GPC6: variants seen among roughly 807,000 people sequenced by gnomAD.
GPC6 encodes the protein glypican 6.
In GPC6, 14 loss-of-function variants were observed where a neutral mutation model predicts 55.2. The ratio of observed to expected loss-of-function variants is 0.25; its 90% confidence interval spans 0.17 to 0.40. The LOEUF is 0.40. Ranked by LOEUF, GPC6 falls within the 10% of genes least tolerant of loss-of-function variation. The pLI is 1.00. For missense variants in GPC6, 641 were observed against 708.5 expected (o/e 0.90, Z 1.08); for synonymous variants, 278 against 259.6 (o/e 1.07, Z -0.68).
At chr13:94,058,916 C>A (rs1884225941) in intron 4 of GPC6, among the ~76,000 whole-genome samples, 1 of 152,200 alleles carries the variant, frequency 6.6e-6, no homozygotes, top group Non-Finnish European at 1.5e-5. Flanking sequence ...ACAATTTCTT[C>A]ATCATTCTTT....
chr13:93,788,383 G>T (rs143480546), intron 2 of GPC6, among the ~76,000 whole-genome samples: 11 of 152,114 alleles, frequency 7.2e-5, no homozygotes, highest in African/African-American at 2.6e-4. Flanking sequence ...CCTCTTAAAT[G>T]TCCTGCCTCT....
At chr13:94,288,736 C>T (rs1369206464) in intron 5 of GPC6, among the ~76,000 whole-genome samples, 4 of 108,572 alleles carry the variant, frequency 3.7e-5, no homozygotes, top group Non-Finnish European at 7.2e-5. Context: ...ATATATATAA[C>T]AAATATATAT....
At chr13:94,015,771 A>G (rs1229028669) in intron 3 of GPC6, among the ~76,000 whole-genome samples, 3 of 152,082 alleles carry the variant, frequency 2.0e-5, no homozygotes, top group African/African-American at 7.2e-5. Context: ...TTCCTCCTTG[A>G]ATGGTCTTTG....
chr13:94,172,804 C>T (rs1320163717), intron 4 of GPC6, among the ~76,000 whole-genome samples: 1 of 152,044 alleles, frequency 6.6e-6, no homozygotes, highest in African/African-American at 2.4e-5. Flanking sequence ...TATAGGCCTA[C>T]GGAGCTCTTA....
chr13:93,962,585 A>G lies in GPC6; in HGVS notation c.712-65144A>G, dbSNP rs563768800. On this transcript the variant is annotated intron_variant, in intron 3 of 8. Coordinates refer to ENST00000377047, the MANE Select transcript of GPC6 (RefSeq NM_005708.5). ...GGAATAAACACATAAATAAACAACAATACTTATATAGGTGTTAGTTATTCT... is the reference window on the plus strand; with the variant it reads ...GGAATAAACACATAAATAAACAACAGTACTTATATAGGTGTTAGTTATTCT... 4.6e-5 allele frequency among the ~76,000 whole-genome samples: 7 copies of G among 152,266 alleles called. No homozygotes were observed. In the South Asian group the frequency reaches 1.5e-3, roughly 32 times the overall value.
At chr13:94,385,199 C>G (rs1359769217) in intron 7 of GPC6, among the ~76,000 whole-genome samples, 3 of 151,518 alleles carry the variant, frequency 2.0e-5, no homozygotes, top group Non-Finnish European at 4.4e-5. Flanking sequence ...AAGATCATAC[C>G]ACTGCACTCC....
intron 3 of GPC6, among the ~76,000 whole-genome samples, chr13:93,907,169 G>T (rs1468005958): frequency 6.6e-6 from 1 of 152,002 alleles, no homozygotes; most frequent in Non-Finnish European, 1.5e-5. Context: ...TTCAATTATT[G>T]AAAATAAATA....
intron 3 of GPC6, among the ~76,000 whole-genome samples, chr13:93,884,819 G>A (rs1041719140): frequency 3.3e-5 from 5 of 152,026 alleles, no homozygotes; most frequent in African/African-American, 9.7e-5. Context: ...CTTCAAAAAC[G>A]GCTGCATTTT....
At chr13:93,793,033 A>G (rs1445962922) in intron 2 of GPC6, among the ~76,000 whole-genome samples, 1 of 152,210 alleles carries the variant, frequency 6.6e-6, no homozygotes, top group Non-Finnish European at 1.5e-5. Context: ...TGCAAGAATA[A>G]TGCCGGCGAA....
chr13:94,090,166 T>C (rs1008677920), intron 4 of GPC6, among the ~76,000 whole-genome samples: 1 of 152,088 alleles, frequency 6.6e-6, no homozygotes, highest in African/African-American at 2.4e-5. Context: ...AGCAAAGGCA[T>C]GTCTTACATA....
At position 93,282,702 on chromosome 13, in the gene GPC6, C is replaced by G. The variant is rs540212177; in HGVS notation, c.160+55086C>G. Among the ~76,000 whole-genome samples, 3 of 150,882 alleles carry G rather than the reference C, an allele frequency of 2.0e-5. No individual in the cohort carries two copies. The East Asian group carries it at 5.8e-4, about 29-fold the overall frequency. ...ACACAGAAAAATCACTGCCATCATC[C>G]CTTTCTCCCCCTTCCATGGAGATAA... On this transcript the variant is annotated intron_variant, in intron 1 of 8. Coordinates refer to ENST00000377047, the MANE Select transcript of GPC6 (RefSeq NM_005708.5).
At chr13:93,793,162 G>A (rs9524217) in intron 2 of GPC6, among the ~76,000 whole-genome samples, 48,593 of 151,998 alleles carry the variant, frequency 0.32, 8,065 homozygotes, top group African/African-American at 0.4. Context: ...TTGTCCCATT[G>A]TGGGGAGTAT....
At chr13:93,898,940 AATAT>A (rs66531953) in intron 3 of GPC6, among the ~76,000 whole-genome samples, 8,408 of 136,598 alleles carry the variant, frequency 0.062, 429 homozygotes, top group African/African-American at 0.13. Flanking sequence ...ATTATATATA[AATAT>A]ATATATATAT....
chr13:93,595,733 C>A (rs1193101701), intron 2 of GPC6, among the ~76,000 whole-genome samples: 2 of 152,038 alleles, frequency 1.3e-5, no homozygotes, highest in Admixed American at 1.3e-4. Context: ...CCTATCTATT[C>A]ATTATTTTGT....
intron 4 of GPC6, among the ~76,000 whole-genome samples, chr13:94,120,544 C>CT (rs1354814230): frequency 6.6e-6 from 1 of 150,426 alleles, no homozygotes. Context: ...TTTTTTTCCC[C>CT]TGAAAAGCTG....
chr13:93,616,923 T>A (rs1400564302), intron 2 of GPC6, among the ~76,000 whole-genome samples: 1 of 152,078 alleles, frequency 6.6e-6, no homozygotes, highest in Non-Finnish European at 1.5e-5. Flanking sequence ...AAATAACACA[T>A]CATTGTCAGG....
the GPC6 span, among the ~76,000 whole-genome samples, chr13:93,217,452 G>A: frequency 1.3e-5 from 2 of 152,090 alleles, no homozygotes; most frequent in Non-Finnish European, 1.5e-5. Context: ...CTATGTTTTC[G>A]AGTGTAAAAG....
intron 3 of GPC6, among the ~76,000 whole-genome samples, chr13:93,947,608 G>A (rs1198956905): frequency 6.6e-6 from 1 of 152,176 alleles, no homozygotes; most frequent in Non-Finnish European, 1.5e-5. Flanking sequence ...GCTGTGCCAT[G>A]TAAAACGCTG....
At chr13:94,035,251 G>A (rs1029265462) in intron 4 of GPC6, among the ~76,000 whole-genome samples, 1 of 151,976 alleles carries the variant, frequency 6.6e-6, no homozygotes, top group Non-Finnish European at 1.5e-5. Flanking sequence ...TGACACAGGT[G>A]CCTGACTTTT....
Sources: allele counts gnomAD v4.1 joint callset (sites outside exome capture counted in the v4.1 genomes callset), GRCh38; gene constraint gnomAD v4.1.1; transcripts MANE v1.5; gene names NCBI Gene and HGNC (gene_info 2026-07-23, HGNC 2026-07-21).